Variants in ACSF3 observed in about 807,000 individuals in gnomAD.
ACSF3 encodes malonate--CoA ligase ACSF3, mitochondrial.
A neutral mutation model predicts 53.2 loss-of-function variants in ACSF3; 78 were observed. That is an observed-to-expected ratio of 1.47 (90% confidence interval 1.22 to 1.77). The LOEUF (loss-of-function observed/expected upper bound fraction) is 1.77, where lower values mean the gene tolerates loss of function less well. Among genes scored for constraint, ACSF3 ranks in the 40% most tolerant of loss-of-function variants. The probability of loss-of-function intolerance (pLI) is 0.00; values close to 1 mark genes in which losing one functional copy is unlikely to be tolerated. For missense variants in ACSF3, 937 were observed against 771.1 expected (o/e 1.22, Z -2.55); for synonymous variants, 414 against 333.1 (o/e 1.24, Z -2.65).
At position 89,133,258 on chromosome 16, in the gene ACSF3, G is replaced by T; in HGVS notation, c.1362G>T (p.Lys454Asn). Residue 454 changes from lysine to asparagine, a missense_variant, in exon 8 of 11, where the codon AAG becomes AAT. Coordinates refer to ENST00000614302, the MANE Select transcript of ACSF3 (RefSeq NM_001243279.3). ...CATTCACCCTGGATGGCTGGTTTAAGACAGGTAGGACCCAGCCCCATGGGA... is the reference window on the plus strand; with the variant it reads ...CATTCACCCTGGATGGCTGGTTTAATACAGGTAGGACCCAGCCCCATGGGA... ...KSAFTLDGWF[K>N]TGDTVVFKDG... is the part of the protein sequence containing the mutation. 6.2e-7 allele frequency: 1 copy of T among 1,614,062 alleles called. No homozygotes were observed. Among genetic ancestry groups the T allele is most frequent in the Non-Finnish European group, 8.5e-7 (1 of 1,179,934 alleles).
At chr16:89,099,978 C>T (rs1268550478) in intron 2 of ACSF3, among the ~76,000 whole-genome samples, 1 of 142,372 alleles carries the variant, frequency 7.0e-6, no homozygotes, top group Admixed American at 6.9e-5. Context: ...TTGTCTCTAC[C>T]AAAAAAAAAA....
chr16:89,151,331 A>G (rs985369520), intron 10 of ACSF3: 1 of 409,340 alleles, frequency 2.4e-6, no homozygotes, highest in African/African-American at 2.1e-5. Flanking sequence ...GGCAAAAAAT[A>G]AAACCAGACA....
At chr16:89,110,905 C>T (rs771193525) in intron 4 of ACSF3, among the ~76,000 whole-genome samples, 6 of 152,180 alleles carry the variant, frequency 3.9e-5, no homozygotes, top group Non-Finnish European at 7.4e-5. Context: ...TTTGCTTTCC[C>T]GTCTGTGGGT....
intron 1 of ACSF3, among the ~76,000 whole-genome samples, chr16:89,096,859 G>A (rs1974677275): frequency 6.6e-6 from 1 of 151,558 alleles, no homozygotes; most frequent in African/African-American, 2.4e-5. Flanking sequence ...TCTGGGAGCT[G>A]GGACCATGTC....
chr16:89,103,058 A>G (rs1383627873), intron 4 of ACSF3, among the ~76,000 whole-genome samples: 2 of 152,362 alleles, frequency 1.3e-5, no homozygotes, highest in Non-Finnish European at 1.5e-5. Context: ...AGAGGTTAAC[A>G]ATAACAGAAC....
At chr16:89,104,217 C>G (rs1217176958) in intron 4 of ACSF3, among the ~76,000 whole-genome samples, 1 of 152,222 alleles carries the variant, frequency 6.6e-6, no homozygotes, top group African/African-American at 2.4e-5. Flanking sequence ...ATGAATATGC[C>G]TTTTATTCAC....
rs544670437 is a variant in ACSF3 at position 89,134,686 on chromosome 16, G to C, written c.1366+1424G>C. Among the ~76,000 whole-genome samples, 172 of 152,346 alleles carry C rather than the reference G, an allele frequency of 1.1e-3. 2 individuals carry two copies. The highest frequency in any genetic ancestry group is 3.7e-3 in the African/African-American group (155 of 41,574). ...ATCATTGTCCCTCCTGCTGTGCTCT[G>C]AGGAGATAGATGATTGGCTATTGTT... is the stretch of plus-strand genomic sequence containing the variant. On this transcript the variant is annotated intron_variant, in intron 8 of 10. Transcript: ENST00000614302.
intron 8 of ACSF3, chr16:89,136,637 C>T (rs1188177566): frequency 4.1e-5 from 53 of 1,287,128 alleles, no homozygotes; most frequent in Non-Finnish European, 5.0e-5. Context: ...TGGCCGAGGC[C>T]GGCCTGCAGC....
intron 6 of ACSF3, among the ~76,000 whole-genome samples, chr16:89,117,867 C>T (rs1199075669): frequency 6.6e-6 from 1 of 152,216 alleles, no homozygotes; most frequent in Non-Finnish European, 1.5e-5. Flanking sequence ...AACCTGAGTG[C>T]ACCAATCCCC....
chr16:89,114,306 G>T, intron 5 of ACSF3, 33 bp from the exon 6 acceptor site: 1 of 1,613,390 alleles, frequency 6.2e-7, no homozygotes. Context: ...CACGTCCCAA[G>T]GGGCTAAACC....
At chr16:89,135,401 C>G (rs562458207) in intron 8 of ACSF3, among the ~76,000 whole-genome samples, 8 of 152,340 alleles carry the variant, frequency 5.3e-5, no homozygotes, top group African/African-American at 1.9e-4. Flanking sequence ...TGTGGCAGTT[C>G]CGCACGTTTG....
At chr16:89,141,576 G>A (rs905435239) in intron 8 of ACSF3, among the ~76,000 whole-genome samples, 14 of 138,964 alleles carry the variant, frequency 1.0e-4, no homozygotes, top group African/African-American at 7.4e-5. Context: ...TGCCAGGAAC[G>A]TCCAGGCCAA....
At position 89,098,583 on chromosome 16, in the gene ACSF3, G is replaced by A. The variant is rs1047469979; in HGVS notation, c.-193-8G>A. On this transcript the variant is annotated splice_region_variant and splice_polypyrimidine_tract_variant and intron_variant, in intron 1 of 10. Coordinates refer to ENST00000614302, the MANE Select transcript of ACSF3 (RefSeq NM_001243279.3). ...GCCTGGGACCTCAGCACAGATGCCC[G>A]TTGACAGGTGTCCCACCGGCCTTCC... 1.1e-4 allele frequency: 49 copies of A among 450,234 alleles called. No homozygotes were observed. The highest frequency in any genetic ancestry group is 6.9e-4 in the Middle Eastern group (1 of 1,458). The allele number at this position is 450,234 out of a possible 1,614,324, so 27.9% of individuals were successfully genotyped here. A position where few individuals can be genotyped will look rare whatever the true frequency, so the allele number is the denominator to read the frequency against.
intron 4 of ACSF3, among the ~76,000 whole-genome samples, chr16:89,109,814 T>C (rs1302591869): frequency 1.3e-5 from 2 of 152,230 alleles, no homozygotes; most frequent in African/African-American, 4.8e-5. Flanking sequence ...CTCACACTCC[T>C]GAGCTCAAGG....
At chr16:89,136,472 C>T (rs1910494280) in intron 8 of ACSF3, 1 of 1,203,228 alleles carries the variant, frequency 8.3e-7, no homozygotes, top group East Asian at 5.8e-5. Flanking sequence ...AATCAGCTCA[C>T]AGCTGCCGCT....
chr16:89,114,373 C>G lies in ACSF3; in HGVS notation c.1012C>G (p.Pro338Ala). The G allele has an allele frequency of 6.2e-7, 1 of 1,614,140 alleles. No individual in the cohort carries two copies. Among genetic ancestry groups the G allele is most frequent in the South Asian group, 1.1e-5 (1 of 91,090 alleles). Residue 338 changes from proline to alanine, a missense_variant, in exon 6 of 11, where the codon CCA (proline) becomes GCA (alanine). By Grantham distance (27) the Pro-to-Ala change is conservative. Coordinates refer to ENST00000614302, the MANE Select transcript of ACSF3 (RefSeq NM_001243279.3). ...CTCAGGCTCAGCTGCCCTGCCCCTC[C>G]CAGTGCTGGAGAAGTGGAAGAACAT... The part of the protein sequence containing the change: ...MVSGSAALPL[P>A]VLEKWKNITG...
chr16:89,102,235 G>T (rs1168352780), intron 3 of ACSF3: 6 of 365,892 alleles, frequency 1.6e-5, no homozygotes, highest in Middle Eastern at 9.2e-4. Context: ...ACCTGAGCCA[G>T]TGGTTGGGCT....
At chr16:89,096,576 G>A (rs182776333) in intron 1 of ACSF3, among the ~76,000 whole-genome samples, 12 of 152,318 alleles carry the variant, frequency 7.9e-5, no homozygotes, top group South Asian at 2.1e-4. Context: ...GGCTGGTTCC[G>A]TTTTCCACAT....
chr16:89,116,458 G>A (rs1049027763), intron 6 of ACSF3, among the ~76,000 whole-genome samples: 1 of 152,208 alleles, frequency 6.6e-6, no homozygotes, highest in Non-Finnish European at 1.5e-5. Flanking sequence ...TGGGCTGGGA[G>A]GAGGAGAGAC....
Sources: gnomAD v4.1 joint callset for allele counts (sites outside exome capture counted in the v4.1 genomes callset) on GRCh38, gnomAD v4.1.1 for gene constraint, MANE v1.5 for transcripts, NCBI Gene and HGNC (gene_info 2026-07-23, HGNC 2026-07-21) for gene names.